The following ZNF566 variants were observed in gnomAD, a reference collection of about 807,000 sequenced individuals.
The protein encoded by ZNF566 is zinc finger protein 566.
Under a neutral mutation model 32.8 loss-of-function variants are expected in ZNF566, and 27 were observed. That is an observed-to-expected ratio of 0.82 (90% CI 0.61 to 1.14). The LOEUF is 1.14. Among genes scored for constraint, ZNF566 ranks in the 50% most tolerant of loss-of-function variants. The pLI is 0.00. For synonymous variants in ZNF566, 154 were observed against 159.5 expected (o/e 0.97, Z 0.26); for missense variants, 402 against 490.4 (o/e 0.82, Z 1.70).
At chr19:36,462,384 T>C (rs971692298) in intron 4 of ZNF566, among the ~76,000 whole-genome samples, 1 of 152,260 alleles carries the variant, frequency 6.6e-6, no homozygotes, top group South Asian at 2.1e-4. Flanking sequence ...GGAGCTCCCC[T>C]ATTCAGTTCT....
At position 36,447,546 on chromosome 19, in the gene ZNF566, T is replaced by C; in HGVS notation, c.*1431A>G. 1 of 152,244 alleles carries C rather than the reference T, an allele frequency of 6.6e-6. No homozygotes were observed. Among genetic ancestry groups the C allele is most frequent in the Non-Finnish European group, 1.5e-5 (1 of 68,044 alleles). 9.4% of individuals were successfully genotyped at this position (152,244 alleles called of 1,614,324 possible). On this transcript the variant is annotated 3_prime_UTR_variant, in exon 5 of 5. Coordinates refer to ENST00000452939, the MANE Select transcript of ZNF566 (RefSeq NM_001145344.1). ...TCAAACATATTAGAAAAAAGCATAATATTCAACAGAACCTTTTAAATCTGT... is the reference window on the plus strand; with the variant it reads ...TCAAACATATTAGAAAAAAGCATAACATTCAACAGAACCTTTTAAATCTGT...
chr19:36,470,690 C>G (rs1327694533), intron 4 of ZNF566, among the ~76,000 whole-genome samples: 1 of 152,164 alleles, frequency 6.6e-6, no homozygotes, highest in Non-Finnish European at 1.5e-5. Context: ...GTGGGAGGAT[C>G]ACCTGAGGTC....
rs1444872872 is a variant in ZNF566 at position 36,447,208 on chromosome 19, G to GGTTTCAA, written c.*1762_*1768dup. 1 of 152,014 alleles carries GGTTTCAA rather than the reference G, an allele frequency of 6.6e-6. No individual in the cohort carries two copies. Among genetic ancestry groups the GGTTTCAA allele is most frequent in the Non-Finnish European group, 1.5e-5 (1 of 68,042 alleles). 9.4% of individuals were successfully genotyped at this position (152,014 alleles called of 1,614,324 possible). On this transcript the variant is annotated 3_prime_UTR_variant, in exon 5 of 5. Coordinates refer to ENST00000452939, the MANE Select transcript of ZNF566 (RefSeq NM_001145344.1). ...GTTTTGTATTTTTGAGTAAAAATGGGGTTTCAACATGTTGGCCAGGCTGGT... is the reference window on the plus strand; with the variant it reads ...GTTTTGTATTTTTGAGTAAAAATGGGGTTTCAAGTTTCAACATGTTGGCCAGGCTGGT...
intron 4 of ZNF566, among the ~76,000 whole-genome samples, chr19:36,465,404 G>C (rs1209152771): frequency 6.6e-6 from 1 of 152,104 alleles, no homozygotes; most frequent in Non-Finnish European, 1.5e-5. Context: ...ACATGTCTAA[G>C]TCTGCAGATG....
intron 4 of ZNF566, among the ~76,000 whole-genome samples, chr19:36,457,693 A>T (rs2033351020): frequency 6.6e-6 from 1 of 152,184 alleles, no homozygotes; most frequent in African/African-American, 2.4e-5. Context: ...GGAGTTCGAC[A>T]CCAGCCTGAC....
chr19:36,446,485 T>G lies in ZNF566; in HGVS notation c.*2492A>C, dbSNP rs2032997749. ...TGGGGTTTCACTATATTGGCCAGGC[T>G]GCCCCCTGCCTTGGCCTCCCAAAGC... On this transcript the variant is annotated 3_prime_UTR_variant, in exon 5 of 5. Coordinates refer to ENST00000452939, the MANE Select transcript of ZNF566 (RefSeq NM_001145344.1). 1 of 152,272 alleles carries G rather than the reference T, an allele frequency of 6.6e-6. No individual in the cohort carries two copies. Among genetic ancestry groups the G allele is most frequent in the South Asian group, 2.1e-4 (1 of 4,834 alleles). The allele number at this position is 152,272 out of a possible 1,614,324, so 9.4% of individuals were successfully genotyped here. A position where few individuals can be genotyped will look rare whatever the true frequency, so the allele number is the denominator to read the frequency against.
chr19:36,461,032 C>T (rs912268216), intron 4 of ZNF566, among the ~76,000 whole-genome samples: 4 of 152,064 alleles, frequency 2.6e-5, no homozygotes, highest in African/African-American at 9.7e-5. Flanking sequence ...CAGGCTGTGC[C>T]CTCAGAGTCT....
chr19:36,449,072 T>C lies in ZNF566; in HGVS notation c.1162A>G (p.Ile388Val), dbSNP rs750353060. The C allele has an allele frequency of 2.5e-6, 4 of 1,614,050 alleles. No homozygotes were observed. The highest frequency in any genetic ancestry group is 4.5e-5 in the East Asian group (2 of 44,862). ...TCATAGGGTTTCTCACTAGTATGAA[T>C]TCTATGATGACTAATAAGCTGTGAA... The part of the protein sequence containing the change: ...QSSQLISHHR[I>V]HTSEKPYEYR... The change falls in exon 5 of 5, where the codon ATT becomes GTT. Residue 388 changes from isoleucine to valine, a missense_variant. Transcript: ENST00000452939.
At chr19:36,488,980 G>T (rs575949198) in intron 1 of ZNF566, among the ~76,000 whole-genome samples, 1 of 152,094 alleles carries the variant, frequency 6.6e-6, no homozygotes, top group Non-Finnish European at 1.5e-5. Context: ...GGTCACATAA[G>T]CACAAGTGCA....
At chr19:36,454,902 C>A (rs539508312) in intron 4 of ZNF566, among the ~76,000 whole-genome samples, 129 of 152,220 alleles carry the variant, frequency 8.5e-4, no homozygotes, top group Middle Eastern at 3.4e-3. Context: ...TACCCTGATA[C>A]CAAAACCAGA....
At chr19:36,467,627 C>CA (rs1196443695) in intron 4 of ZNF566, among the ~76,000 whole-genome samples, 2 of 148,842 alleles carry the variant, frequency 1.3e-5, no homozygotes, top group Admixed American at 1.3e-4. Flanking sequence ...CCCATCTCTA[C>CA]AAAAAATATA....
At position 36,448,020 on chromosome 19, in the gene ZNF566, C is replaced by T. The variant is rs904369912; in HGVS notation, c.*957G>A. ...TTTATCGATCTTAATTCATTTAATC[C>T]TCACAAAGCATTATGAGGTAGGTAT... On this transcript the variant is annotated 3_prime_UTR_variant, in exon 5 of 5. Transcript: ENST00000452939. 6.6e-6 allele frequency: 1 copy of T among 152,026 alleles called. No homozygotes were observed. The highest frequency in any genetic ancestry group is 2.1e-4 in the South Asian group (1 of 4,826). The allele number at this position is 152,026 out of a possible 1,614,324, so 9.4% of individuals were successfully genotyped here. A position where few individuals can be genotyped will look rare whatever the true frequency, so the allele number is the denominator to read the frequency against.
intron 1 of ZNF566, among the ~76,000 whole-genome samples, chr19:36,481,223 C>T (rs1372429366): frequency 2.0e-5 from 3 of 152,012 alleles, no homozygotes; most frequent in Non-Finnish European, 4.4e-5. Flanking sequence ...GTAATCTCAG[C>T]ACTTTGGGAG....
chr19:36,449,889 G>A lies in ZNF566; in HGVS notation c.345C>T (p.Cys115=), dbSNP rs1171277350. 1 of 1,614,080 alleles carries A rather than the reference G, an allele frequency of 6.2e-7. No homozygotes were observed. Among genetic ancestry groups the A allele is most frequent in the South Asian group, 1.1e-5 (1 of 91,088 alleles). Residue 115 remains cysteine (C), a synonymous_variant, in exon 5 of 5, where the codon TGC becomes TGT. Transcript: ENST00000452939. ...MEKLTRRDFQ[C]SSFRDDWECN... is the part of the protein sequence containing the mutation. ...ATTCCCAATCATCTCTGAAACTGGA[G>A]CACTGAAAATCACGTCTTGTGAGTT... is the stretch of plus-strand genomic sequence containing the variant.
At chr19:36,463,537 CTT>C (rs56787323) in intron 4 of ZNF566, among the ~76,000 whole-genome samples, 10 of 106,288 alleles carry the variant, frequency 9.4e-5, no homozygotes, top group South Asian at 3.4e-4. Flanking sequence ...AATGTAATTT[CTT>C]TTTTTTTTTT....
intron 4 of ZNF566, among the ~76,000 whole-genome samples, chr19:36,458,369 G>C (rs2033372260): frequency 6.6e-6 from 1 of 152,108 alleles, no homozygotes; most frequent in African/African-American, 2.4e-5. Context: ...CATAGATGAA[G>C]CTGGAGGACA....
intron 1 of ZNF566, among the ~76,000 whole-genome samples, chr19:36,488,128 GC>G (rs879488735): frequency 1.3e-5 from 2 of 152,140 alleles, no homozygotes; most frequent in Non-Finnish European, 2.9e-5. Flanking sequence ...TGTTGCCCAG[GC>G]TGAAGGGCAG....
Position 36,448,876 on chromosome 19 carries a change from A to G in ZNF566, c.*101T>C, listed in dbSNP as rs1342747485. On this transcript the variant is annotated 3_prime_UTR_variant, in exon 5 of 5. Coordinates refer to ENST00000452939, the MANE Select transcript of ZNF566 (RefSeq NM_001145344.1). ...GAATAAGCTGTAGTCCACAAATAAA[A>G]TGTTTCTACATTATTCTATCTAGAG... 13 of 997,640 alleles carry G rather than the reference A, an allele frequency of 1.3e-5. No individual in the cohort carries two copies. The highest frequency in any genetic ancestry group is 1.8e-5 in the Non-Finnish European group (13 of 705,502). 61.8% of individuals were successfully genotyped at this position (997,640 alleles called of 1,614,324 possible).
At chr19:36,460,110 A>G (rs2033424462) in intron 4 of ZNF566, among the ~76,000 whole-genome samples, 1 of 152,044 alleles carries the variant, frequency 6.6e-6, no homozygotes, top group South Asian at 2.1e-4. Context: ...CCTGGCTTTC[A>G]TAGGATTTAA....
Sources: allele counts gnomAD v4.1 joint callset (sites outside exome capture counted in the v4.1 genomes callset), GRCh38; gene constraint gnomAD v4.1.1; transcripts MANE v1.5; gene names NCBI Gene and HGNC (gene_info 2026-07-23, HGNC 2026-07-21).